The following POLR3B variants were observed in gnomAD, a reference collection of about 807,000 sequenced individuals.
The protein encoded by POLR3B is RNA polymerase III subunit B.
Under a neutral mutation model 147.4 loss-of-function variants are expected in POLR3B, and 96 were observed. That is an observed-to-expected ratio of 0.65 (90% CI 0.55 to 0.77). POLR3B has a LOEUF of 0.77. Among genes scored for constraint, POLR3B ranks in the 30% least tolerant of loss-of-function variants. The pLI is 0.00. For synonymous variants in POLR3B, 461 were observed against 485.9 expected, an observed-to-expected ratio of 0.95 and a Z score of 0.67; for missense variants, 1,036 against 1,413.5, an observed-to-expected ratio of 0.73 and a Z score of 4.28.
At chr12:106,460,001 A>T (rs571917195) in intron 22 of POLR3B, among the ~76,000 whole-genome samples, 1 of 152,214 alleles carries the variant, frequency 6.6e-6, no homozygotes, top group Non-Finnish European at 1.5e-5. Context: ...ACTAGAAGAG[A>T]TATCTAACCT....
intron 7 of POLR3B, among the ~76,000 whole-genome samples, chr12:106,376,690 T>G (rs2036685131): frequency 1.3e-5 from 2 of 151,678 alleles, no homozygotes; most frequent in Non-Finnish European, 2.9e-5. Context: ...TGATCTCAGC[T>G]CACTGCAACC....
chr12:106,496,216 G>T, intron 24 of POLR3B, 58 bp downstream of exon 24: 1 of 1,061,180 alleles, frequency 9.4e-7, no homozygotes. Flanking sequence ...CAGGCAGTTA[G>T]TTTAGTTAGA....
chr12:106,495,223 C>T (rs2137073189), intron 23 of POLR3B, among the ~76,000 whole-genome samples: 1 of 152,262 alleles, frequency 6.6e-6, no homozygotes, highest in South Asian at 2.1e-4. Context: ...TATTTAGCAA[C>T]AAAATCCCCT....
intron 10 of POLR3B, among the ~76,000 whole-genome samples, chr12:106,398,033 G>T (rs768026862): frequency 6.6e-6 from 1 of 152,236 alleles, no homozygotes; most frequent in South Asian, 2.1e-4. Context: ...GCAGGGCGAC[G>T]CATCACCTCA....
intron 9 of POLR3B, among the ~76,000 whole-genome samples, chr12:106,384,936 CT>C (rs2036814815): frequency 6.6e-6 from 1 of 151,880 alleles, no homozygotes; most frequent in African/African-American, 2.4e-5. Flanking sequence ...AGCTATTCTC[CT>C]GCCTCAGCCT....
intron 12 of POLR3B, among the ~76,000 whole-genome samples, chr12:106,414,962 C>T (rs1360732485): frequency 6.6e-6 from 1 of 152,196 alleles, no homozygotes; most frequent in Non-Finnish European, 1.5e-5. Flanking sequence ...GTTAACAGTG[C>T]CATCTACCCA....
intron 10 of POLR3B, among the ~76,000 whole-genome samples, chr12:106,395,935 A>C (rs1038403675): frequency 6.6e-6 from 1 of 151,998 alleles, no homozygotes; most frequent in African/African-American, 2.4e-5. Flanking sequence ...GCGCCACTGC[A>C]CTCCAGCCTG....
chr12:106,453,026 C>CTTTTTT (rs770997629), intron 19 of POLR3B, among the ~76,000 whole-genome samples: 1 of 135,960 alleles, frequency 7.4e-6, no homozygotes, highest in African/African-American at 2.7e-5. Context: ...TTCTTTTCTT[C>CTTTTTT]TTTTTTTTTT....
At chr12:106,435,333 T>TG (rs1371070408) in intron 16 of POLR3B, among the ~76,000 whole-genome samples, 1 of 151,214 alleles carries the variant, frequency 6.6e-6, no homozygotes, top group African/African-American at 2.4e-5. Context: ...TTAGTAGTGA[T>TG]GGGGTTTCAC....
At chr12:106,404,094 T>C (rs1228443690) in intron 10 of POLR3B, among the ~76,000 whole-genome samples, 2 of 66,506 alleles carry the variant, frequency 3.0e-5, no homozygotes, top group East Asian at 4.5e-4. Flanking sequence ...TTGTTTTTTG[T>C]TTTTTTTTTT....
intron 23 of POLR3B, among the ~76,000 whole-genome samples, chr12:106,484,614 A>C (rs2038312482): frequency 6.6e-6 from 1 of 152,178 alleles, no homozygotes; most frequent in African/African-American, 2.4e-5. Flanking sequence ...GTAAACAAAA[A>C]TATAAACAGG....
At chr12:106,377,204 G>A (rs758046749) in intron 7 of POLR3B, among the ~76,000 whole-genome samples, 1 of 151,994 alleles carries the variant, frequency 6.6e-6, no homozygotes, top group Non-Finnish European at 1.5e-5. Flanking sequence ...CCTATTTCTA[G>A]GCAATTTCTT....
intron 12 of POLR3B, among the ~76,000 whole-genome samples, chr12:106,421,336 T>G (rs1042072040): frequency 6.6e-6 from 1 of 152,196 alleles, no homozygotes; most frequent in Non-Finnish European, 1.5e-5. Context: ...AGAGTCAAGT[T>G]AAATTTTTAC....
chr12:106,369,445 G>A lies in POLR3B; in HGVS notation c.303+95G>A, dbSNP rs142842394. The A allele has an allele frequency of 4.1e-5, 39 of 949,478 alleles. No individual in the cohort carries two copies. In the South Asian group the frequency reaches 4.2e-4, roughly 10 times the overall value. 58.8% of individuals were successfully genotyped at this position (949,478 alleles called of 1,614,324 possible). A position where few individuals can be genotyped will look rare whatever the true frequency, so the allele number is the denominator to read the frequency against. On this transcript the variant is annotated intron_variant, in intron 5 of 27. Coordinates refer to ENST00000228347, the MANE Select transcript of POLR3B (RefSeq NM_018082.6). ...TAAAAGATCATTTAAAAATGGGATG[G>A]GGGGGGACATTCTTTGGAGAAAAAG...
intron 26 of POLR3B, among the ~76,000 whole-genome samples, chr12:106,502,670 A>T (rs1000680077): frequency 6.6e-6 from 1 of 152,106 alleles, no homozygotes; most frequent in Non-Finnish European, 1.5e-5. Context: ...TTGACCATTT[A>T]AAACTGAGCA....
intron 19 of POLR3B, among the ~76,000 whole-genome samples, 180 bp from the exon 20 acceptor site, chr12:106,454,322 G>A (rs557961227): frequency 6.6e-6 from 1 of 152,270 alleles, no homozygotes; most frequent in Admixed American, 6.5e-5. Flanking sequence ...AAATATTAGT[G>A]AGAAAAGTTG....
intron 6 of POLR3B, among the ~76,000 whole-genome samples, chr12:106,372,423 C>T (rs773987282): frequency 3.3e-5 from 5 of 151,126 alleles, no homozygotes; most frequent in African/African-American, 7.3e-5. Flanking sequence ...CTGCAACCTC[C>T]GCCCCCCAGG....
chr12:106,398,557 G>A (rs1192235210), intron 10 of POLR3B, among the ~76,000 whole-genome samples: 5 of 152,164 alleles, frequency 3.3e-5, no homozygotes, highest in South Asian at 2.1e-4. Flanking sequence ...CCTGACCCCC[G>A]AATAGCCTAA....
At chr12:106,444,064 A>G (rs1432926016) in intron 18 of POLR3B, among the ~76,000 whole-genome samples, 1 of 152,032 alleles carries the variant, frequency 6.6e-6, no homozygotes, top group African/African-American at 2.4e-5. Context: ...CTCATGATCC[A>G]CCTGCCTCGG....
Sources: gnomAD v4.1 joint callset for allele counts (sites outside exome capture counted in the v4.1 genomes callset) on GRCh38, gnomAD v4.1.1 for gene constraint, MANE v1.5 for transcripts, NCBI Gene and HGNC (gene_info 2026-07-23, HGNC 2026-07-21) for gene names.